The following SIPA1L3 variants were observed in gnomAD, a reference collection of about 807,000 sequenced individuals.
The protein encoded by SIPA1L3 is signal induced proliferation associated 1 like 3.
SIPA1L3 carries 59 observed loss-of-function variants against 150.1 expected under a neutral mutation model. That is an observed-to-expected ratio of 0.39 (90% CI 0.32 to 0.49). SIPA1L3 has a LOEUF of 0.49. Ranked by LOEUF, SIPA1L3 falls within the 20% of genes least tolerant of loss-of-function variation. The probability of loss-of-function intolerance (pLI) is 0.86; values close to 1 mark genes in which losing one functional copy is unlikely to be tolerated. For missense variants in SIPA1L3, 2,211 were observed against 2,489.5 expected (o/e 0.89, Z 2.38); for synonymous variants, 1,070 against 1,077.6 (o/e 0.99, Z 0.14).
At chr19:37,935,581 G>C (rs766724781) in intron 1 of SIPA1L3, among the ~76,000 whole-genome samples, 22 of 152,170 alleles carry the variant, frequency 1.4e-4, no homozygotes, top group Non-Finnish European at 2.8e-4. Context: ...GGTCTTGCTT[G>C]GGGTCTGTTA....
At chr19:37,940,262 C>A (rs2046641115) in intron 1 of SIPA1L3, among the ~76,000 whole-genome samples, 1 of 146,920 alleles carries the variant, frequency 6.8e-6, no homozygotes, top group African/African-American at 2.5e-5. Context: ...GCCTGGGTGA[C>A]AGGCTAAAAA....
At chr19:37,972,170 TGTGTG>T (rs1462271186) in intron 1 of SIPA1L3, among the ~76,000 whole-genome samples, 2 of 72,380 alleles carry the variant, frequency 2.8e-5, no homozygotes, top group Non-Finnish European at 4.9e-5. Context: ...AGATACCTAG[TGTGTG>T]TGTGTGTGTG....
Position 38,088,807 on chromosome 19 carries a change from C to G in SIPA1L3, c.1621C>G (p.His541Asp). Residue 541 changes from histidine to aspartate, a missense_variant, in exon 4 of 22, where the codon CAC becomes GAC. Physicochemically the swap from His to Asp is moderately conservative, Grantham distance 81. Transcript: ENST00000222345. ...GGAGAAGCTGGAAGACCACAAGGAG[C>G]ACGGACCTCAGTACCAGTACAGGAT... The part of the protein sequence containing the change: ...KREKLEDHKE[H>D]GPQYQYRIIF... 6.2e-7 allele frequency: 1 copy of G among 1,614,046 alleles called. No individual in the cohort carries two copies. Among genetic ancestry groups the G allele is most frequent in the Non-Finnish European group, 8.5e-7 (1 of 1,179,984 alleles).
intron 1 of SIPA1L3, among the ~76,000 whole-genome samples, chr19:37,991,494 A>G (rs532350346): frequency 6.6e-6 from 1 of 152,356 alleles, no homozygotes; most frequent in African/African-American, 2.4e-5. Flanking sequence ...AGCAAAGGCC[A>G]TGGAGGAAAA....
chr19:38,133,901 T>C (rs1460014427), intron 10 of SIPA1L3, among the ~76,000 whole-genome samples: 1 of 152,164 alleles, frequency 6.6e-6, no homozygotes, highest in Non-Finnish European at 1.5e-5. Flanking sequence ...CTCAGCACTT[T>C]TGGAGGCCGA....
At chr19:38,135,040 C>A (rs1462544803) in intron 10 of SIPA1L3, among the ~76,000 whole-genome samples, 1 of 152,162 alleles carries the variant, frequency 6.6e-6, no homozygotes, top group African/African-American at 2.4e-5. Context: ...AACCGAGGCC[C>A]AGAGTGAACA....
chr19:38,030,653 G>A (rs1158169754), intron 2 of SIPA1L3, among the ~76,000 whole-genome samples: 2 of 47,242 alleles, frequency 4.2e-5, no homozygotes, highest in Middle Eastern at 0.01. Context: ...TATATATATG[G>A]CAAATACTTA....
Position 38,083,088 on chromosome 19 carries a change from T to C in SIPA1L3, c.1523T>C (p.Phe508Ser). The C allele has an allele frequency of 6.2e-7, 1 of 1,609,184 alleles. No individual in the cohort carries two copies. The highest frequency in any genetic ancestry group is 8.5e-7 in the Non-Finnish European group (1 of 1,179,122). ...DLGARYYQDY[F>S]VGKEHANYFG... ...GGCGCCCGCTACTACCAGGATTACT[T>C]CGTGGGCAAAGGTGACGGATGGCGT... Residue 508 changes from phenylalanine to serine, a missense_variant, in exon 3 of 22, where the codon TTC (phenylalanine) becomes TCC (serine). By Grantham distance (155) the Phe-to-Ser change is radical (BLOSUM62 -2). Coordinates refer to ENST00000222345, the MANE Select transcript of SIPA1L3 (RefSeq NM_015073.3).
chr19:37,912,377 G>A lies in SIPA1L3; in HGVS notation c.-379+5019G>A, dbSNP rs183681801. ...AGTTGTGATACCTTGGGCAAATCAT[G>A]TGTCCTTCTGAGCCTTAGTGTCCTG... On this transcript the variant is annotated intron_variant, in intron 1 of 21. Coordinates refer to ENST00000222345, the MANE Select transcript of SIPA1L3 (RefSeq NM_015073.3). 2.3e-3 allele frequency among the ~76,000 whole-genome samples: 352 copies of A among 152,316 alleles called. 1 individual carries two copies. Among genetic ancestry groups the A allele is most frequent in the Non-Finnish European group, 3.8e-3 (260 of 68,040 alleles).
intron 13 of SIPA1L3, among the ~76,000 whole-genome samples, chr19:38,155,567 C>T (rs571444982): frequency 6.6e-6 from 1 of 152,170 alleles, no homozygotes; most frequent in African/African-American, 2.4e-5. Context: ...GATGAATGGG[C>T]GAGATGGATT....
chr19:38,016,886 CTTTTTTTTTTTTTTTT>C lies in SIPA1L3; in HGVS notation c.-378-12190_-378-12175del, dbSNP rs58459050. ...ATACTTCTTTTTCTGCCTCCTCTGG[CTTTTTTTTTTTTTTTT>C]TTTTTTTTTTTTGAGACTGAGTCTC... is the stretch of plus-strand genomic sequence containing the variant. On this transcript the variant is annotated intron_variant, in intron 1 of 21. Transcript: ENST00000222345. Among the ~76,000 whole-genome samples the C allele has an allele frequency of 5.6e-4, 39 of 69,138 alleles. No individual in the cohort carries two copies. In the East Asian group the frequency reaches 9.6e-3, roughly 17 times the overall value. 45.4% of individuals were successfully genotyped at this position (69,138 alleles called of 152,430 possible). A position where few individuals can be genotyped will look rare whatever the true frequency, so the allele number is the denominator to read the frequency against.
At chr19:38,162,699 C>T (rs1174360549) in intron 14 of SIPA1L3, among the ~76,000 whole-genome samples, 6 of 152,336 alleles carry the variant, frequency 3.9e-5, no homozygotes, top group Non-Finnish European at 7.3e-5. Context: ...TGTAACAGCG[C>T]AGTGCAGGTA....
intron 2 of SIPA1L3, among the ~76,000 whole-genome samples, chr19:38,040,243 C>G (rs1436260972): frequency 6.6e-6 from 1 of 152,188 alleles, no homozygotes; most frequent in East Asian, 1.9e-4. Flanking sequence ...ACACGTATTT[C>G]CAGAGTACGC....
At chr19:38,051,501 G>T (rs1969196446) in intron 2 of SIPA1L3, among the ~76,000 whole-genome samples, 1 of 152,178 alleles carries the variant, frequency 6.6e-6, no homozygotes, top group African/African-American at 2.4e-5. Flanking sequence ...GAACTGACAA[G>T]TTGCCCTCAA....
At chr19:37,953,473 A>G (rs1437179104) in intron 1 of SIPA1L3, among the ~76,000 whole-genome samples, 1 of 152,206 alleles carries the variant, frequency 6.6e-6, no homozygotes, top group Non-Finnish European at 1.5e-5. Context: ...ATAGTGGGAA[A>G]TATTCAAGAG....
intron 5 of SIPA1L3, among the ~76,000 whole-genome samples, chr19:38,100,579 A>G (rs1970477929): frequency 6.6e-6 from 1 of 152,236 alleles, no homozygotes; most frequent in Non-Finnish European, 1.5e-5. Flanking sequence ...GGCGTAGGTC[A>G]GGTGGCTGTC....
chr19:38,108,647 T>C (rs981507445), intron 7 of SIPA1L3: 6 of 152,220 alleles, frequency 3.9e-5, no homozygotes, highest in African/African-American at 1.4e-4. Flanking sequence ...ATCTCCTGCA[T>C]TGGCAGATTC....
At chr19:38,102,958 C>G (rs1970540333) in intron 6 of SIPA1L3, among the ~76,000 whole-genome samples, 1 of 151,710 alleles carries the variant, frequency 6.6e-6, no homozygotes, top group South Asian at 2.1e-4. Context: ...AACCCCATCT[C>G]TACTAAAAAT....
intron 10 of SIPA1L3, among the ~76,000 whole-genome samples, chr19:38,138,422 CAA>C: frequency 6.6e-6 from 1 of 152,276 alleles, no homozygotes; most frequent in Non-Finnish European, 1.5e-5. Flanking sequence ...CATGGCGCCG[CAA>C]AAGAGAGTCT....
Sources: gnomAD v4.1 joint callset for allele counts (sites outside exome capture counted in the v4.1 genomes callset) on GRCh38, gnomAD v4.1.1 for gene constraint, MANE v1.5 for transcripts, NCBI Gene and HGNC (gene_info 2026-07-23, HGNC 2026-07-21) for gene names.